ADIPOR2: variants seen among roughly 807,000 people sequenced by gnomAD.
The protein encoded by ADIPOR2 is adiponectin receptor protein 2.
A neutral mutation model predicts 40.9 loss-of-function variants in ADIPOR2; 18 were observed. The observed-to-expected ratio is 0.44, with a 90% CI of 0.30 to 0.65. The LOEUF (loss-of-function observed/expected upper bound fraction) is 0.65. ADIPOR2 is among the 30% of genes least tolerant of loss of function. The pLI is 0.09. For missense variants in ADIPOR2, 283 were observed against 479.2 expected, an observed-to-expected ratio of 0.59 and a Z score of 3.82; for synonymous variants, 165 against 166.4, an observed-to-expected ratio of 0.99 and a Z score of 0.06.
In ADIPOR2 at chr12:1,780,497, A is replaced by G; in HGVS notation, c.510A>G (p.Pro170=). The change falls in exon 5 of 8, where the codon CCA becomes CCG. Residue 170 remains proline, a synonymous_variant. Transcript: ENST00000357103. ...TGGGGATCTTTTATATGTTTCGCCCAAATATCTCCTTTGTGGCCCCTCTGC... is the reference window on the plus strand; with the variant it reads ...TGGGGATCTTTTATATGTTTCGCCCGAATATCTCCTTTGTGGCCCCTCTGC... ...LCLGIFYMFR[P]NISFVAPLQE... 1.2e-6 allele frequency: 2 copies of G among 1,613,618 alleles called. No individual in the cohort carries two copies. The highest frequency in any genetic ancestry group is 1.7e-6 in the Non-Finnish European group (2 of 1,179,854).
At chr12:1,723,130 T>C (rs991560152) in intron 1 of ADIPOR2, among the ~76,000 whole-genome samples, 1 of 152,212 alleles carries the variant, frequency 6.6e-6, no homozygotes, top group Non-Finnish European at 1.5e-5. Context: ...TTTTGGATCA[T>C]AGCCTATCTC....
At chr12:1,692,439 CAT>C (rs1235898911) in intron 1 of ADIPOR2, among the ~76,000 whole-genome samples, 6 of 152,196 alleles carry the variant, frequency 3.9e-5, no homozygotes, top group Non-Finnish European at 7.3e-5. Context: ...GATTTCCACA[CAT>C]GTGGCAGCTG....
intron 3 of ADIPOR2, among the ~76,000 whole-genome samples, chr12:1,774,906 T>C (rs1331874824): frequency 7.3e-6 from 1 of 136,576 alleles, no homozygotes; most frequent in Non-Finnish European, 1.6e-5. Context: ...GGTTTCACCA[T>C]GTTGGCCAGG....
chr12:1,753,788 C>A (rs962185636), intron 1 of ADIPOR2, among the ~76,000 whole-genome samples: 4 of 152,000 alleles, frequency 2.6e-5, no homozygotes, highest in African/African-American at 9.7e-5. Flanking sequence ...TATAAACTTA[C>A]ATATATTCTT....
intron 2 of ADIPOR2, chr12:1,757,513 T>C: frequency 1.3e-6 from 1 of 779,692 alleles, no homozygotes; most frequent in Non-Finnish European, 2.3e-6. Context: ...TTGATGAAAT[T>C]GGTAATCTTG....
At position 1,717,476 on chromosome 12, in the gene ADIPOR2, C is replaced by T. The variant is rs141929829; in HGVS notation, c.-87+26285C>T. On this transcript the variant is annotated intron_variant, in intron 1 of 7. Transcript: ENST00000357103. ...AATCCCAGCACTTTGGGAGGCAAGG[C>T]AGGTGGATCACCTGAGGTCGGGAGT... Among the ~76,000 whole-genome samples, 9 of 152,264 alleles carry T rather than the reference C, an allele frequency of 5.9e-5. No individual in the cohort carries two copies. The East Asian group carries it at 1.7e-3, about 29-fold the overall frequency.
intron 2 of ADIPOR2, among the ~76,000 whole-genome samples, chr12:1,769,207 A>C (rs1862446924): frequency 6.6e-6 from 1 of 152,260 alleles, no homozygotes; most frequent in Non-Finnish European, 1.5e-5. Flanking sequence ...TTTTAAATAT[A>C]GCGTCTAGCA....
At chr12:1,704,542 A>G (rs537667907) in intron 1 of ADIPOR2, among the ~76,000 whole-genome samples, 6 of 152,226 alleles carry the variant, frequency 3.9e-5, no homozygotes, top group Non-Finnish European at 8.8e-5. Flanking sequence ...AGAGAAGCAC[A>G]TGGTTGATTG....
chr12:1,724,824 G>A (rs890484186), intron 1 of ADIPOR2, among the ~76,000 whole-genome samples: 1 of 151,996 alleles, frequency 6.6e-6, no homozygotes, highest in Non-Finnish European at 1.5e-5. Context: ...CCAAGTAGCT[G>A]GGACTACAGG....
intron 1 of ADIPOR2, among the ~76,000 whole-genome samples, chr12:1,753,312 C>A (rs906149999): frequency 6.6e-6 from 1 of 152,188 alleles, no homozygotes; most frequent in Non-Finnish European, 1.5e-5. Context: ...GCTTACATAT[C>A]ATGAGTTAAG....
At chr12:1,700,283 G>A (rs912444627) in intron 1 of ADIPOR2, among the ~76,000 whole-genome samples, 13 of 152,100 alleles carry the variant, frequency 8.5e-5, no homozygotes, top group African/African-American at 3.1e-4. Context: ...TTCATTGACA[G>A]CATATTCACT....
intron 1 of ADIPOR2, chr12:1,697,217 C>T (rs2094641019): frequency 6.6e-6 from 1 of 152,172 alleles, no homozygotes. Context: ...ATGAATAAAG[C>T]TAATAGCTTA....
intron 2 of ADIPOR2, 93 bp downstream of exon 2, chr12:1,754,607 C>T: frequency 7.9e-7 from 1 of 1,272,730 alleles, no homozygotes; most frequent in Non-Finnish European, 1.1e-6. Flanking sequence ...GGGTCCATTG[C>T]TGGAGGGAGG....
intron 7 of ADIPOR2, among the ~76,000 whole-genome samples, chr12:1,785,067 C>A (rs530965383): frequency 6.6e-6 from 1 of 152,120 alleles, no homozygotes; most frequent in African/African-American, 2.4e-5. Context: ...GAAATTAATC[C>A]CCTTTGGTTT....
At position 1,784,008 on chromosome 12, in the gene ADIPOR2, A is replaced by T. The variant is rs751639326; in HGVS notation, c.967A>T (p.Thr323Ser). Residue 323 changes from threonine to serine, a missense_variant, in exon 7 of 8, where the codon ACA (threonine) becomes TCA (serine). Coordinates refer to ENST00000357103, the MANE Select transcript of ADIPOR2 (RefSeq NM_024551.3). ...WLMLMASLYI[T>S]GAALYAARIP... ...GATGCTGATGGCCAGCCTCTACATC[A>T]CAGGAGCTGCCCTGTATGCTGCCCG... is the stretch of plus-strand genomic sequence containing the variant. 6.2e-7 allele frequency: 1 copy of T among 1,613,674 alleles called. No individual in the cohort carries two copies. The highest frequency in any genetic ancestry group is 8.5e-7 in the Non-Finnish European group (1 of 1,179,774).
At chr12:1,764,558 AACACACACACACACAC>A (rs59660682) in intron 2 of ADIPOR2, among the ~76,000 whole-genome samples, 1 of 118,998 alleles carries the variant, frequency 8.4e-6, no homozygotes, top group African/African-American at 3.7e-5. Flanking sequence ...TAAAGTATTA[AACACACACACACACAC>A]ACACACACAC....
intron 2 of ADIPOR2, among the ~76,000 whole-genome samples, chr12:1,768,572 T>C (rs1178123441): frequency 6.6e-6 from 1 of 152,224 alleles, no homozygotes; most frequent in African/African-American, 2.4e-5. Context: ...TTAAACTGAA[T>C]TACTCTGTTG....
intron 6 of ADIPOR2, among the ~76,000 whole-genome samples, chr12:1,781,664 T>C (rs1316866613): frequency 6.6e-6 from 1 of 152,170 alleles, no homozygotes; most frequent in Non-Finnish European, 1.5e-5. Context: ...TGAGTCTTCT[T>C]GTAGGACATG....
At chr12:1,743,099 T>C (rs2094746431) in intron 1 of ADIPOR2, among the ~76,000 whole-genome samples, 1 of 151,856 alleles carries the variant, frequency 6.6e-6, no homozygotes, top group Non-Finnish European at 1.5e-5. Flanking sequence ...AGAAATTTTA[T>C]GAGTCTCGAG....
Sources: gnomAD v4.1 joint callset for allele counts (sites outside exome capture counted in the v4.1 genomes callset) on GRCh38, gnomAD v4.1.1 for gene constraint, MANE v1.5 for transcripts, NCBI Gene and HGNC (gene_info 2026-07-23, HGNC 2026-07-21) for gene names.